Variants in PROX1 observed in about 807,000 individuals in gnomAD.
PROX1 encodes the protein prospero homeobox protein 1.
A neutral mutation model predicts 58.8 loss-of-function variants in PROX1; 7 were observed. That is an observed-to-expected ratio of 0.12 (90% CI 0.07 to 0.22). The LOEUF is 0.22. Ranked by LOEUF, PROX1 falls within the 10% of genes least tolerant of loss-of-function variation. The probability of loss-of-function intolerance (pLI) is 1.00; values close to 1 mark genes in which losing one functional copy is unlikely to be tolerated. For missense variants in PROX1, 675 were observed against 927.8 expected (o/e 0.73, Z 3.54); for synonymous variants, 350 against 358.3 (o/e 0.98, Z 0.26).
At chr1:214,011,880 T>C (rs905734014) in intron 4 of PROX1, among the ~76,000 whole-genome samples, 165 bp downstream of exon 4, 1 of 152,186 alleles carries the variant, frequency 6.6e-6, no homozygotes, top group African/African-American at 2.4e-5. Flanking sequence ...TAGTCCCCAT[T>C]GGAATCATGA....
chr1:213,990,585 T>G (rs1056187967), intron 1 of PROX1, among the ~76,000 whole-genome samples: 1 of 151,942 alleles, frequency 6.6e-6, no homozygotes, highest in Non-Finnish European at 1.5e-5. Context: ...TGACTTTTCC[T>G]TTGCTTCCTA....
At chr1:214,013,561 G>T (rs560863893) in intron 4 of PROX1, among the ~76,000 whole-genome samples, 1 of 67,988 alleles carries the variant, frequency 1.5e-5, no homozygotes, top group South Asian at 8.1e-4. Flanking sequence ...TCCTTAAAGT[G>T]CGCACGAGGG....
upstream of PROX1, chr1:213,983,979 A>G (rs377338855): frequency 1.5e-4 from 23 of 152,284 alleles, no homozygotes; most frequent in African/African-American, 5.5e-4. Flanking sequence ...GAGTGGCTAG[A>G]TTATGTAAGT....
chr1:214,021,610 G>C (rs1664282467), intron 4 of PROX1, among the ~76,000 whole-genome samples: 2 of 152,348 alleles, frequency 1.3e-5, no homozygotes. Flanking sequence ...AACTCACACA[G>C]CAGAACTCCA....
At chr1:213,991,050 G>C (rs1190979099) in intron 1 of PROX1, among the ~76,000 whole-genome samples, 1 of 152,142 alleles carries the variant, frequency 6.6e-6, no homozygotes, top group Non-Finnish European at 1.5e-5. Context: ...GAACTTCTGA[G>C]TATTTCCAAA....
chr1:214,031,977 A>G (rs911753349), intron 4 of PROX1, among the ~76,000 whole-genome samples: 1 of 152,224 alleles, frequency 6.6e-6, no homozygotes, highest in Non-Finnish European at 1.5e-5. Context: ...TGTCCAGTCC[A>G]GTCCATTGCA....
At chr1:213,983,842 C>T (rs1210175258), upstream of PROX1, 2 of 152,208 alleles carry the variant, frequency 1.3e-5, no homozygotes, top group African/African-American at 2.4e-5. Context: ...AAATCACGGC[C>T]TCTCCAAATG....
chr1:214,018,321 G>T (rs1442857519), intron 4 of PROX1, among the ~76,000 whole-genome samples: 1 of 152,146 alleles, frequency 6.6e-6, no homozygotes, highest in African/African-American at 2.4e-5. Context: ...TACAGTTTTT[G>T]CTAACATCCT....
At chr1:214,017,472 C>A (rs753369610) in intron 4 of PROX1, among the ~76,000 whole-genome samples, 3 of 151,968 alleles carry the variant, frequency 2.0e-5, no homozygotes, top group Non-Finnish European at 4.4e-5. Flanking sequence ...GTCTGTTTTG[C>A]CTCTGTGAAA....
chr1:214,023,685 T>C (rs1664360561), intron 4 of PROX1, among the ~76,000 whole-genome samples: 1 of 152,238 alleles, frequency 6.6e-6, no homozygotes, highest in African/African-American at 2.4e-5. Context: ...TGAGAGTTTG[T>C]GGTTGGGAGG....
In PROX1 at chr1:213,996,463, G is replaced by A. The variant is rs565136403; in HGVS notation, c.-67-6G>A. 2 of 1,505,490 alleles carry A rather than the reference G, an allele frequency of 1.3e-6. No individual in the cohort carries two copies. The highest frequency in any genetic ancestry group is 4.5e-5 in the East Asian group (2 of 43,986). 93.3% of individuals were successfully genotyped at this position (1,505,490 alleles called of 1,614,324 possible). On this transcript the variant is annotated splice_region_variant and splice_polypyrimidine_tract_variant and intron_variant, in intron 1 of 4. Coordinates refer to ENST00000366958, the MANE Select transcript of PROX1 (RefSeq NM_001270616.2). ...GATTCATCAGTCCTTTTGTTCTGTTGGCCAGGGTCCCGGGATTCTTGAGCT... is the reference window on the plus strand; with the variant it reads ...GATTCATCAGTCCTTTTGTTCTGTTAGCCAGGGTCCCGGGATTCTTGAGCT...
intron 4 of PROX1, among the ~76,000 whole-genome samples, chr1:214,012,297 G>T (rs1558179339): frequency 1.3e-5 from 2 of 152,060 alleles, no homozygotes; most frequent in African/African-American, 4.8e-5. Context: ...TCTTTTTGGA[G>T]GAGAGACTCG....
intron 4 of PROX1, among the ~76,000 whole-genome samples, chr1:214,031,901 T>C (rs1335189958): frequency 1.3e-5 from 2 of 152,200 alleles, no homozygotes; most frequent in Non-Finnish European, 2.9e-5. Context: ...CCCAAAAGTG[T>C]ACCTCTGGGA....
intron 1 of PROX1, among the ~76,000 whole-genome samples, chr1:213,994,558 G>A (rs1008744483): frequency 1.2e-4 from 18 of 151,472 alleles, no homozygotes; most frequent in African/African-American, 4.1e-4. Context: ...GATCTAATGT[G>A]TTTGTGTAGT....
chr1:213,996,635 T>C lies in PROX1; in HGVS notation c.100T>C (p.Phe34Leu), dbSNP rs1663272560. 6.8e-6 allele frequency: 11 copies of C among 1,614,190 alleles called. No individual in the cohort carries two copies. Among genetic ancestry groups the C allele is most frequent in the Non-Finnish European group, 9.3e-6 (11 of 1,180,048 alleles). The change falls in exon 2 of 5, where the codon TTT (phenylalanine) becomes CTT (leucine). Residue 34 changes from phenylalanine (F) to leucine (L), a missense_variant. This residue lies in a region of PROX1 where 157 missense variants were observed against 197.8 expected (regional missense o/e 0.79). Transcript: ENST00000366958. ...GACGGTAGGGACAGCATCTGCATTT[T>C]TTGCTAAGGCAAGAGCAACGTTTTT... ...KRTVGTASAF[F>L]AKARATFFSA...
intron 1 of PROX1, among the ~76,000 whole-genome samples, chr1:213,988,944 T>C (rs968598386): frequency 1.3e-5 from 2 of 151,960 alleles, no homozygotes; most frequent in African/African-American, 4.8e-5. Context: ...CGCTTTTTTG[T>C]TCGTGGAGAT....
At chr1:214,002,412 C>CTTTTTTTTT (rs774337530) in intron 2 of PROX1, among the ~76,000 whole-genome samples, 5 of 116,376 alleles carry the variant, frequency 4.3e-5, no homozygotes, top group Non-Finnish European at 5.2e-5. Flanking sequence ...TTTCTTTTTT[C>CTTTTTTTTT]TTTTTTTTTT....
chr1:214,025,207 T>C (rs980083208), intron 4 of PROX1, among the ~76,000 whole-genome samples: 2 of 152,246 alleles, frequency 1.3e-5, no homozygotes, highest in Non-Finnish European at 2.9e-5. Flanking sequence ...TTATTAACTC[T>C]GTTCCCGTAG....
chr1:214,026,937 ATTACAT>A (rs1382487458), intron 4 of PROX1, among the ~76,000 whole-genome samples: 8 of 152,014 alleles, frequency 5.3e-5, no homozygotes, highest in Non-Finnish European at 1.0e-4. Context: ...CATTCTTTTT[ATTACAT>A]TTCCTCCAGG....
Sources: allele counts gnomAD v4.1 joint callset (sites outside exome capture counted in the v4.1 genomes callset), GRCh38; gene constraint gnomAD v4.1.1; regional missense constraint gnomAD v4.1.1; transcripts MANE v1.5; gene names NCBI Gene and HGNC (gene_info 2026-07-23, HGNC 2026-07-21).